DPP10: variants seen among roughly 807,000 people sequenced by gnomAD.
The protein encoded by DPP10 is inactive dipeptidyl peptidase 10.
DPP10 carries 33 observed loss-of-function variants against 120.9 expected under a neutral mutation model. The observed-to-expected ratio is 0.27, with a 90% CI of 0.21 to 0.37. DPP10 has a LOEUF of 0.37. Among genes scored for constraint, DPP10 ranks in the 10% least tolerant of loss-of-function variants. The pLI is 1.00. For synonymous variants in DPP10, 337 were observed against 326.1 expected (o/e 1.03, Z -0.36); for missense variants, 816 against 942.8 (o/e 0.87, Z 1.76).
At chr2:115,132,784 A>T (rs1417190783) in intron 1 of DPP10, among the ~76,000 whole-genome samples, 1 of 152,048 alleles carries the variant, frequency 6.6e-6, no homozygotes, top group Non-Finnish European at 1.5e-5. Context: ...CTTACGGTTT[A>T]CAGACTTTAG....
intron 3 of DPP10, among the ~76,000 whole-genome samples, chr2:115,431,612 A>G (rs1161501508): frequency 1.3e-5 from 2 of 152,132 alleles, no homozygotes; most frequent in Non-Finnish European, 2.9e-5. Flanking sequence ...AGAATTTCTC[A>G]CATCTCCGCT....
At chr2:114,836,375 AAG>A (rs1301430853) in intron 1 of DPP10, among the ~76,000 whole-genome samples, 1 of 152,184 alleles carries the variant, frequency 6.6e-6, no homozygotes, top group African/African-American at 2.4e-5. Context: ...CAGAGTACAA[AAG>A]AGAGAAATTT....
intron 11 of DPP10, among the ~76,000 whole-genome samples, chr2:115,756,616 T>C (rs1269319560): frequency 6.6e-6 from 1 of 152,154 alleles, no homozygotes; most frequent in Non-Finnish European, 1.5e-5. Context: ...TAATTCATAA[T>C]TAGAAACCTT....
At chr2:115,110,706 T>C (rs1279843058) in intron 1 of DPP10, among the ~76,000 whole-genome samples, 2 of 152,114 alleles carry the variant, frequency 1.3e-5, no homozygotes, top group Non-Finnish European at 2.9e-5. Flanking sequence ...ATAGTCTTTC[T>C]TTTCATATTT....
intron 1 of DPP10, among the ~76,000 whole-genome samples, chr2:114,831,915 G>GA (rs1257714257): frequency 2.0e-5 from 3 of 148,840 alleles, no homozygotes; most frequent in Non-Finnish European, 3.0e-5. Flanking sequence ...GTAAGAGGTT[G>GA]ATGCTCTCTG....
At chr2:115,752,115 T>A (rs567603156) in intron 10 of DPP10, among the ~76,000 whole-genome samples, 16 of 152,268 alleles carry the variant, frequency 1.1e-4, no homozygotes, top group African/African-American at 3.8e-4. Context: ...GTTTAATTAG[T>A]TTTAATACAG....
chr2:115,787,254 T>C (rs1683448789), intron 17 of DPP10, among the ~76,000 whole-genome samples: 1 of 152,052 alleles, frequency 6.6e-6, no homozygotes, highest in Non-Finnish European at 1.5e-5. Context: ...AAGTAGAAAA[T>C]ATTACTCATA....
intron 1 of DPP10, among the ~76,000 whole-genome samples, chr2:114,503,673 C>A (rs1344263367): frequency 6.6e-6 from 1 of 152,178 alleles, no homozygotes; most frequent in Admixed American, 6.5e-5. Context: ...GGGTTGGATG[C>A]AGGATTAAGA....
At chr2:115,732,706 GA>G (rs897523739) in intron 8 of DPP10, among the ~76,000 whole-genome samples, 4 of 151,762 alleles carry the variant, frequency 2.6e-5, no homozygotes, top group African/African-American at 4.8e-5. Context: ...TATTAAATAG[GA>G]AAAAAAATGA....
intron 1 of DPP10, among the ~76,000 whole-genome samples, chr2:114,679,826 G>A (rs72955633): frequency 0.014 from 2,112 of 152,016 alleles, 60 homozygotes; most frequent in African/African-American, 0.049. Context: ...TTTAAGAATT[G>A]AGATGGCAAA....
intron 5 of DPP10, among the ~76,000 whole-genome samples, chr2:115,529,174 T>C (rs952540685): frequency 6.6e-6 from 1 of 151,974 alleles, no homozygotes; most frequent in East Asian, 1.9e-4. Context: ...TTTTTTTTTT[T>C]CCGGTGGGAG....
intron 1 of DPP10, among the ~76,000 whole-genome samples, chr2:114,560,085 T>C (rs1173793044): frequency 1.3e-5 from 2 of 152,178 alleles, no homozygotes; most frequent in African/African-American, 4.8e-5. Flanking sequence ...TCATCATGGT[T>C]TTTACTTTAG....
intron 5 of DPP10, among the ~76,000 whole-genome samples, chr2:115,672,325 A>G (rs375071096): frequency 6.6e-6 from 1 of 150,478 alleles, no homozygotes. Context: ...AAAATACTCT[A>G]TTTTTTTTTC....
chr2:114,655,337 G>GA (rs1242384099), intron 1 of DPP10, among the ~76,000 whole-genome samples: 3 of 152,166 alleles, frequency 2.0e-5, no homozygotes, highest in African/African-American at 7.2e-5. Flanking sequence ...ACTAACCCTT[G>GA]AAAAAACGTG....
At position 115,843,840 on chromosome 2, in the gene DPP10, A is replaced by G. The variant is rs1321656915; in HGVS notation, c.*1495A>G. 1 of 152,606 alleles carries G rather than the reference A, an allele frequency of 6.6e-6. No homozygotes were observed. Among genetic ancestry groups the G allele is most frequent in the Non-Finnish European group, 1.5e-5 (1 of 68,012 alleles). The allele number at this position is 152,606 out of a possible 1,614,324, so 9.5% of individuals were successfully genotyped here. A position where few individuals can be genotyped will look rare whatever the true frequency, so the allele number is the denominator to read the frequency against. Reference sequence around the variant, plus strand: ...CAGATAAATCTAGGCAGGATACTGCATTTTTGTGGTTTTAAAAAAGTCCTT... The same window carrying G: ...CAGATAAATCTAGGCAGGATACTGCGTTTTTGTGGTTTTAAAAAAGTCCTT... On this transcript the variant is annotated 3_prime_UTR_variant, in exon 26 of 26. Coordinates refer to ENST00000410059, the MANE Select transcript of DPP10 (RefSeq NM_020868.6).
intron 5 of DPP10, among the ~76,000 whole-genome samples, chr2:115,647,596 CTGTT>C (rs1249295717): frequency 1.3e-5 from 2 of 152,082 alleles, no homozygotes; most frequent in East Asian, 1.9e-4. Context: ...ACATCTTAGT[CTGTT>C]TGTACACTAC....
chr2:114,689,088 T>A (rs1018188875), intron 1 of DPP10, among the ~76,000 whole-genome samples: 1 of 151,874 alleles, frequency 6.6e-6, no homozygotes, highest in Admixed American at 6.6e-5. Flanking sequence ...CAACTGTTAT[T>A]TTAAGTTCAG....
At chr2:114,478,586 G>A (rs551337277) in intron 1 of DPP10, among the ~76,000 whole-genome samples, 1 of 151,970 alleles carries the variant, frequency 6.6e-6, no homozygotes, top group African/African-American at 2.4e-5. Context: ...AATAAATAAG[G>A]AAGGAAGGAA....
At chr2:114,585,671 G>A (rs2105117854) in intron 1 of DPP10, among the ~76,000 whole-genome samples, 1 of 152,280 alleles carries the variant, frequency 6.6e-6, no homozygotes, top group Middle Eastern at 3.4e-3. Context: ...GCTGCAGAGT[G>A]GACATCCGAT....
Sources: gnomAD v4.1 joint callset for allele counts (sites outside exome capture counted in the v4.1 genomes callset) on GRCh38, gnomAD v4.1.1 for gene constraint, MANE v1.5 for transcripts, NCBI Gene and HGNC (gene_info 2026-07-23, HGNC 2026-07-21) for gene names.